OR2L13: variants seen among roughly 807,000 people sequenced by gnomAD.
OR2L13 encodes olfactory receptor family 2 subfamily L member 13.
OR2L13 carries 14 observed loss-of-function variants against 15.3 expected under a neutral mutation model. The observed-to-expected ratio is 0.91, with a 90% CI of 0.60 to 1.43. The LOEUF (loss-of-function observed/expected upper bound fraction) is 1.43, where lower values mean the gene tolerates loss of function less well. Among genes scored for constraint, OR2L13 ranks in the 40% most tolerant of loss-of-function variants. The pLI is 0.00. For synonymous variants in OR2L13, 152 were observed against 142.9 expected, an observed-to-expected ratio of 1.06 and a Z score of -0.45; for missense variants, 367 against 387.9, an observed-to-expected ratio of 0.95 and a Z score of 0.45.
the OR2L13 span, among the ~76,000 whole-genome samples, chr1:248,049,912 G>T: frequency 6.6e-6 from 1 of 152,054 alleles, no homozygotes; most frequent in African/African-American, 2.4e-5. Flanking sequence ...ATGTATATAT[G>T]TATATATGCA....
At chr1:248,089,560 A>G in the OR2L13 span, among the ~76,000 whole-genome samples, 1 of 152,166 alleles carries the variant, frequency 6.6e-6, no homozygotes, top group Non-Finnish European at 1.5e-5. Flanking sequence ...TAGTCCTGAG[A>G]AATAAATGAG....
chr1:248,030,503 A>G, the OR2L13 span, among the ~76,000 whole-genome samples: 1 of 152,188 alleles, frequency 6.6e-6, no homozygotes, highest in Non-Finnish European at 1.5e-5. Flanking sequence ...ATTATATTAG[A>G]CTATGCTTTC....
chr1:248,052,546 G>A, the OR2L13 span, among the ~76,000 whole-genome samples: 2 of 152,190 alleles, frequency 1.3e-5, no homozygotes, highest in South Asian at 2.1e-4. Context: ...GGCTAACATG[G>A]TGAAACCCCA....
the OR2L13 span, among the ~76,000 whole-genome samples, chr1:248,068,551 A>G: frequency 6.6e-6 from 1 of 152,182 alleles, no homozygotes; most frequent in South Asian, 2.1e-4. Context: ...GAAAAACTGG[A>G]AACTCTAAAA....
the OR2L13 span, among the ~76,000 whole-genome samples, chr1:248,074,494 A>G: frequency 6.6e-6 from 1 of 152,206 alleles, no homozygotes; most frequent in African/African-American, 2.4e-5. Flanking sequence ...CAACTTCAGC[A>G]AAGTTTCAGA....
At chr1:247,965,262 A>G in the OR2L13 span, 3 of 1,279,574 alleles carry the variant, frequency 2.3e-6, no homozygotes, top group South Asian at 3.2e-5. Context: ...GTTGCCAAAC[A>G]TGTAAGTGAA....
chr1:247,991,146 CAAG>C, the OR2L13 span: 2 of 1,606,282 alleles, frequency 1.2e-6, no homozygotes, highest in African/African-American at 1.3e-5. Context: ...GCCTGAGAAA[CAAG>C]GAGGTGATGG....
the OR2L13 span, among the ~76,000 whole-genome samples, chr1:247,983,385 T>C: frequency 6.6e-6 from 1 of 152,282 alleles, no homozygotes; most frequent in East Asian, 1.9e-4. Flanking sequence ...ATCAGAATTT[T>C]TTCTGCTTGC....
the OR2L13 span, among the ~76,000 whole-genome samples, chr1:247,997,701 C>G: frequency 6.6e-6 from 1 of 152,126 alleles, no homozygotes; most frequent in African/African-American, 2.4e-5. Context: ...GTTTCTTTCT[C>G]CACTGAGTTT....
At chr1:248,054,201 T>G in the OR2L13 span, among the ~76,000 whole-genome samples, 6 of 152,200 alleles carry the variant, frequency 3.9e-5, no homozygotes, top group African/African-American at 1.4e-4. Context: ...CCAGCACCAT[T>G]TATTAAATAG....
the OR2L13 span, among the ~76,000 whole-genome samples, chr1:247,954,043 T>A: frequency 3.3e-5 from 5 of 152,308 alleles, no homozygotes; most frequent in East Asian, 9.7e-4. Context: ...AGGATTCCCA[T>A]GTACATGTGA....
At chr1:248,091,704 G>C (rs184278833), upstream of OR2L13, among the ~76,000 whole-genome samples, 1 of 152,258 alleles carries the variant, frequency 6.6e-6, no homozygotes, top group East Asian at 1.9e-4. Context: ...ATAGTTTGAA[G>C]TCAAGTAATG....
the OR2L13 span, among the ~76,000 whole-genome samples, chr1:248,088,669 G>C: frequency 2.6e-5 from 4 of 152,114 alleles, no homozygotes; most frequent in African/African-American, 9.7e-5. Context: ...AACAAGATAA[G>C]GGCAGGGTAG....
chr1:248,034,187 A>G, the OR2L13 span, among the ~76,000 whole-genome samples: 1 of 152,220 alleles, frequency 6.6e-6, no homozygotes, highest in African/African-American at 2.4e-5. Context: ...AACACGTACC[A>G]TGCTCATGGA....
the OR2L13 span, chr1:248,003,288 A>G: frequency 3.8e-6 from 6 of 1,576,988 alleles, no homozygotes; most frequent in South Asian, 6.6e-5. Flanking sequence ...TTGGACACTC[A>G]TCTCCACACA....
chr1:248,098,705 A>G (rs1664785529), exon 2 of OR2L13: 1 of 152,266 alleles, frequency 6.6e-6, no homozygotes, highest in Non-Finnish European at 1.5e-5. Flanking sequence ...TATGCTGGGC[A>G]GGATGAGACA....
At chr1:247,975,210 C>T in the OR2L13 span, 1 of 397,512 alleles carries the variant, frequency 2.5e-6, no homozygotes, top group Non-Finnish European at 5.1e-6. Flanking sequence ...CACTTGTGCT[C>T]ACATTTCATA....
chr1:247,964,303 C>T, the OR2L13 span, among the ~76,000 whole-genome samples: 1 of 152,172 alleles, frequency 6.6e-6, no homozygotes, highest in Non-Finnish European at 1.5e-5. Context: ...TCTATCACAT[C>T]TGATGCTGTA....
upstream of OR2L13, among the ~76,000 whole-genome samples, chr1:248,091,334 T>C (rs1664592263): frequency 6.6e-6 from 1 of 152,210 alleles, no homozygotes. Context: ...TCAATTTTAG[T>C]ATCTTCATTG....
Sources: allele counts gnomAD v4.1 joint callset (sites outside exome capture counted in the v4.1 genomes callset), GRCh38; gene constraint gnomAD v4.1.1; transcripts MANE v1.5; gene names NCBI Gene and HGNC (gene_info 2026-07-23, HGNC 2026-07-21).